Variants in ATP13A4 observed in about 807,000 individuals in gnomAD.
ATP13A4 encodes the protein probable cation-transporting ATPase 13A4.
A neutral mutation model predicts 142.5 loss-of-function variants in ATP13A4; 114 were observed. That is an observed-to-expected ratio of 0.80 (90% CI 0.69 to 0.93). ATP13A4 has a LOEUF of 0.93. Among genes scored for constraint, ATP13A4 ranks in the 40% least tolerant of loss-of-function variants. The pLI is 0.00. For synonymous variants in ATP13A4, 488 were observed against 514.8 expected (o/e 0.95, Z 0.70); for missense variants, 1,392 against 1,454.0 (o/e 0.96, Z 0.69).
At chr3:193,576,283 G>A (rs201570467) in intron 2 of ATP13A4, among the ~76,000 whole-genome samples, 1 of 5,388 alleles carries the variant, frequency 1.9e-4, no homozygotes, top group Non-Finnish European at 6.8e-4. Flanking sequence ...TTTTTTTTTT[G>A]AGACGGAGTC....
At chr3:193,552,180 G>C (rs910214838) in intron 1 of ATP13A4, among the ~76,000 whole-genome samples, 2 of 152,132 alleles carry the variant, frequency 1.3e-5, no homozygotes, top group Non-Finnish European at 2.9e-5. Flanking sequence ...CACCATGTTG[G>C]CCAGGATGGT....
chr3:193,569,054 G>C (rs1468544886), intron 2 of ATP13A4, among the ~76,000 whole-genome samples: 7 of 152,218 alleles, frequency 4.6e-5, no homozygotes, highest in Non-Finnish European at 8.8e-5. Flanking sequence ...GTATAGAAAA[G>C]AAGGAAAAGA....
At chr3:193,483,804 C>T (rs1278360855) in intron 8 of ATP13A4, 132 bp downstream of exon 8, 1 of 853,026 alleles carries the variant, frequency 1.2e-6, no homozygotes, top group African/African-American at 1.7e-5. Context: ...TTAAGTTCCT[C>T]ATCCCTTTGA....
chr3:193,514,636 C>T, intron 2 of ATP13A4, 62 bp downstream of exon 2: 2 of 1,588,350 alleles, frequency 1.3e-6, no homozygotes, highest in South Asian at 1.2e-5. Context: ...CCCAGCCATC[C>T]CGTAACACAT....
chr3:193,434,253 C>A (rs1456189349), intron 24 of ATP13A4, among the ~76,000 whole-genome samples: 1 of 152,114 alleles, frequency 6.6e-6, no homozygotes, highest in Admixed American at 6.5e-5. Flanking sequence ...TTTAGGATTT[C>A]ATTTCACACA....
chr3:193,467,502 A>T lies in ATP13A4; in HGVS notation c.944-16T>A. On this transcript the variant is annotated splice_polypyrimidine_tract_variant and intron_variant, in intron 9 of 29. Coordinates refer to ENST00000342695, the MANE Select transcript of ATP13A4 (RefSeq NM_032279.4). ...ATACTTTCTCCTACAGAAAACAAGCATCTTGTTTTGTGAGGCAGGATGGCT... is the reference window on the plus strand; with the variant it reads ...ATACTTTCTCCTACAGAAAACAAGCTTCTTGTTTTGTGAGGCAGGATGGCT... The T allele has an allele frequency of 6.2e-7, 1 of 1,611,410 alleles. No individual in the cohort carries two copies. The highest frequency in any genetic ancestry group is 8.5e-7 in the Non-Finnish European group (1 of 1,178,624).
chr3:193,445,296 C>G (rs151101305), intron 18 of ATP13A4, among the ~76,000 whole-genome samples: 1 of 151,666 alleles, frequency 6.6e-6, no homozygotes, highest in Non-Finnish European at 1.5e-5. Context: ...ATTAGCCAGG[C>G]GTTGTGTTGC....
At chr3:193,527,319 T>C (rs1178115192) in intron 1 of ATP13A4, among the ~76,000 whole-genome samples, 1 of 152,038 alleles carries the variant, frequency 6.6e-6, no homozygotes, top group Non-Finnish European at 1.5e-5. Flanking sequence ...GGTTTAAAAG[T>C]GTGGCACTTC....
chr3:193,409,433 A>T (rs756420513), intron 28 of ATP13A4, among the ~76,000 whole-genome samples: 9 of 152,174 alleles, frequency 5.9e-5, no homozygotes, highest in Non-Finnish European at 1.3e-4. Context: ...CAATGACCCT[A>T]CCCAGGTTCT....
chr3:193,576,247 ATC>A (rs1560288262), intron 2 of ATP13A4, among the ~76,000 whole-genome samples: 5 of 107,342 alleles, frequency 4.7e-5, no homozygotes, highest in Admixed American at 1.1e-4. Flanking sequence ...GCTTGAATCA[ATC>A]TTTTTTTTTT....
chr3:193,407,114 A>G (rs1714536408), intron 29 of ATP13A4, among the ~76,000 whole-genome samples, 199 bp downstream of exon 29: 1 of 152,150 alleles, frequency 6.6e-6, no homozygotes, highest in Non-Finnish European at 1.5e-5. Context: ...CCCCCGCCCT[A>G]CTTGACAGAT....
intron 8 of ATP13A4, among the ~76,000 whole-genome samples, chr3:193,474,564 A>AGAGAGAAAGAAG (rs1718828266): frequency 6.7e-6 from 1 of 149,452 alleles, no homozygotes; most frequent in Non-Finnish European, 1.5e-5. Flanking sequence ...GAAAAAAGAG[A>AGAGAGAAAGAAG]GAGAGAAAGA....
intron 29 of ATP13A4, 97 bp from the exon 30 acceptor site, chr3:193,402,961 C>T: frequency 9.2e-7 from 1 of 1,089,304 alleles, no homozygotes; most frequent in East Asian, 2.6e-5. Flanking sequence ...GCAATGGTTG[C>T]TTAGATCCAG....
intron 1 of ATP13A4, among the ~76,000 whole-genome samples, chr3:193,582,090 T>TAC (rs1442297743): frequency 8.7e-5 from 3 of 34,616 alleles, no homozygotes; most frequent in African/African-American, 4.2e-4. Context: ...CTTCCATATA[T>TAC]ATATATATAT....
upstream of ATP13A4, chr3:193,554,958 T>C (rs1380797854): frequency 5.7e-6 from 9 of 1,566,550 alleles, no homozygotes; most frequent in Admixed American, 1.8e-5. Context: ...TCTCAACAAA[T>C]GACAATACTT....
Position 193,554,865 on chromosome 3 carries a change from T to A in ATP13A4, c.-66A>T. ...AGACGCTTCCAGGATGAACTCCAAC[T>A]CGCCGAGCCACCGCAGCTCCTCAGC... On this transcript the variant is annotated 5_prime_UTR_variant, in exon 1 of 30. Transcript: ENST00000342695. The A allele has an allele frequency of 6.2e-7, 1 of 1,613,184 alleles. No individual in the cohort carries two copies. Among genetic ancestry groups the A allele is most frequent in the Non-Finnish European group, 8.5e-7 (1 of 1,179,954 alleles).
In ATP13A4 at chr3:193,472,616, C is replaced by T. The variant is rs914040486; in HGVS notation, c.809-1623G>A. ...AAAGAAATTTGTGTTAGTTGTGCGT[C>T]GCACCTCAAACTGCAAACGTTACAA... On this transcript the variant is annotated intron_variant, in intron 8 of 29. Coordinates refer to ENST00000342695, the MANE Select transcript of ATP13A4 (RefSeq NM_032279.4). 3.3e-5 allele frequency among the ~76,000 whole-genome samples: 5 copies of T among 152,186 alleles called. 1 individual carries two copies. The highest frequency in any genetic ancestry group is 7.2e-5 in the African/African-American group (3 of 41,448).
At position 193,573,295 on chromosome 3, in the gene ATP13A4, A is replaced by ATTCT. The variant is rs1553862263; in HGVS notation, n.291+8411_291+8412insAGAA. 3.7e-4 allele frequency among the ~76,000 whole-genome samples: 31 copies of ATTCT among 83,944 alleles called. 2 individuals carry two copies. Among genetic ancestry groups the ATTCT allele is most frequent in the African/African-American group, 8.7e-4 (16 of 18,404 alleles). 55.1% of individuals were successfully genotyped at this position (83,944 alleles called of 152,430 possible). ...TATATACATATATATATATACACAT[A>ATTCT]TATATATATATACATATATATATAT... On this transcript the variant is annotated intron_variant and non_coding_transcript_variant, in intron 2 of 3. Transcript: ENST00000489140.
Position 193,401,473 on chromosome 3 carries a change from A to T in ATP13A4, c.*1179T>A, listed in dbSNP as rs1214927022. ...CTGTAGCATGAGACTAATGTTTCTC[A>T]AAAATAATAAAGCAGAGGAGTGAAA... is the stretch of plus-strand genomic sequence containing the variant. On this transcript the variant is annotated 3_prime_UTR_variant, in exon 30 of 30. Transcript: ENST00000342695. 6.6e-6 allele frequency among the ~76,000 whole-genome samples: 1 copy of T among 152,216 alleles called. No homozygotes were observed. Among genetic ancestry groups the T allele is most frequent in the Non-Finnish European group, 1.5e-5 (1 of 68,046 alleles).
Sources: gnomAD v4.1 joint callset for allele counts (sites outside exome capture counted in the v4.1 genomes callset) on GRCh38, gnomAD v4.1.1 for gene constraint, MANE v1.5 for transcripts, NCBI Gene and HGNC (gene_info 2026-07-23, HGNC 2026-07-21) for gene names.